GALNT5: variants seen among roughly 807,000 people sequenced by gnomAD.
GALNT5 encodes polypeptide N-acetylgalactosaminyltransferase 5, also known as UDP-GalNAc:polypeptide N-acetylgalactosaminyltransferase 5.
In GALNT5, 72 loss-of-function variants were observed where a neutral mutation model predicts 85.4. The observed-to-expected ratio is 0.84, with a 90% CI of 0.70 to 1.03. The LOEUF is 1.03. Ranked by LOEUF, GALNT5 falls within the 50% of genes least tolerant of loss-of-function variation. GALNT5 has a pLI of 0.00. For synonymous variants in GALNT5, 404 were observed against 397.0 expected, an observed-to-expected ratio of 1.02 and a Z score of -0.21; for missense variants, 1,137 against 1,135.5, an observed-to-expected ratio of 1.00 and a Z score of -0.02.
chr2:157,306,419 T>G (rs187300026), intron 8 of GALNT5, among the ~76,000 whole-genome samples: 8 of 152,050 alleles, frequency 5.3e-5, no homozygotes, highest in Admixed American at 2.6e-4. Flanking sequence ...ATAGGAAAAC[T>G]CCCCAAACTC....
intron 1 of GALNT5, among the ~76,000 whole-genome samples, chr2:157,279,679 C>T (rs1462518453): frequency 6.6e-6 from 1 of 152,222 alleles, no homozygotes; most frequent in African/African-American, 2.4e-5. Context: ...GGGAAAAGCA[C>T]AGTATTTGGG....
chr2:157,294,510 G>GA (rs1683166570), intron 3 of GALNT5, among the ~76,000 whole-genome samples: 1 of 152,166 alleles, frequency 6.6e-6, no homozygotes, highest in African/African-American at 2.4e-5. Flanking sequence ...GTTTTGGCCT[G>GA]AATGGAGGCA....
rs748934341 is a variant in GALNT5, at chr2:157,284,423, G to T, written c.1596G>T (p.Leu532=). ...CTCCACACCTCATCAAGGAGATTCT[G>T]CTGGTAGATGACTTCAGCACCAAAG... The part of the protein sequence containing the change: ...RSPPHLIKEI[L]LVDDFSTKDY... The change falls in exon 2 of 10, where the codon CTG becomes CTT. Residue 532 remains leucine (L), a synonymous_variant. Transcript: ENST00000259056. 6.8e-6 allele frequency: 11 copies of T among 1,613,874 alleles called. No individual in the cohort carries two copies. The highest frequency in any genetic ancestry group is 7.6e-6 in the Non-Finnish European group (9 of 1,179,934).
intron 7 of GALNT5, among the ~76,000 whole-genome samples, chr2:157,304,280 T>A (rs1683408469): frequency 6.6e-6 from 1 of 152,244 alleles, no homozygotes; most frequent in Non-Finnish European, 1.5e-5. Context: ...CCCATATTTG[T>A]CATTTTAAAT....
intron 2 of GALNT5, among the ~76,000 whole-genome samples, chr2:157,285,619 T>C (rs572810062): frequency 2.3e-3 from 344 of 152,254 alleles, no homozygotes; most frequent in African/African-American, 7.7e-3. Context: ...TTGCACACAT[T>C]GTTTAGCCTC....
rs1377659478 is a variant in GALNT5, at chr2:157,315,751, T to C, written c.*4403T>C. ...GAGGATTCTTTCTCTGTGAATAATA[T>C]TGAAAAAGCTCCATTTTCTGGGGAA... On this transcript the variant is annotated 3_prime_UTR_variant, in exon 10 of 10. Transcript: ENST00000259056. Among the ~76,000 whole-genome samples, 3 of 152,198 alleles carry C rather than the reference T, an allele frequency of 2.0e-5. No individual in the cohort carries two copies. Among genetic ancestry groups the C allele is most frequent in the South Asian group, 2.1e-4 (1 of 4,832 alleles).
intron 1 of GALNT5, among the ~76,000 whole-genome samples, chr2:157,276,627 A>G (rs1682732998): frequency 6.6e-6 from 1 of 152,170 alleles, no homozygotes; most frequent in African/African-American, 2.4e-5. Flanking sequence ...TGTTTATAGT[A>G]TTCTCTGATG....
intron 3 of GALNT5, among the ~76,000 whole-genome samples, chr2:157,293,848 T>C (rs1017545443): frequency 6.6e-6 from 1 of 152,246 alleles, no homozygotes; most frequent in African/African-American, 2.4e-5. Context: ...CCCAAAGCTC[T>C]GCCTCCTTCT....
At chr2:157,263,458 A>ACCT (rs1478765808) in intron 1 of GALNT5, among the ~76,000 whole-genome samples, 1 of 152,076 alleles carries the variant, frequency 6.6e-6, no homozygotes, top group African/African-American at 2.4e-5. Flanking sequence ...GGTAGCTGTG[A>ACCT]CCTCTAAATT....
rs1234342063 is a variant in GALNT5, at chr2:157,315,217, C to T, written c.*3869C>T. Among the ~76,000 whole-genome samples, 1 of 152,128 alleles carries T rather than the reference C, an allele frequency of 6.6e-6. No individual in the cohort carries two copies. Among genetic ancestry groups the T allele is most frequent in the Non-Finnish European group, 1.5e-5 (1 of 68,030 alleles). On this transcript the variant is annotated 3_prime_UTR_variant, in exon 10 of 10. Transcript: ENST00000259056. ...TGTGTAGGTACTATTTGTGTAGGTG[C>T]TATATGTGTCCCATCTCACTGATGG... is the stretch of plus-strand genomic sequence containing the variant.
In GALNT5 at chr2:157,317,503, A is replaced by G. The variant is rs1553465376; in HGVS notation, c.*6155A>G. ...TAGTTTTATACATATTAGCTTAAAA[A>G]CAAGAGAAGCCAAAGATTAAGTAAG... On this transcript the variant is annotated 3_prime_UTR_variant, in exon 10 of 10. Coordinates refer to ENST00000259056, the MANE Select transcript of GALNT5 (RefSeq NM_014568.3). 1.3e-5 allele frequency among the ~76,000 whole-genome samples: 2 copies of G among 152,128 alleles called. No homozygotes were observed. Among genetic ancestry groups the G allele is most frequent in the African/African-American group, 2.4e-5 (1 of 41,458 alleles).
intron 7 of GALNT5, among the ~76,000 whole-genome samples, chr2:157,303,250 A>T (rs1364860699): frequency 2.6e-5 from 4 of 152,144 alleles, no homozygotes; most frequent in African/African-American, 9.7e-5. Flanking sequence ...TTCAACCTCC[A>T]CAAGCAGAAA....
Position 157,300,789 on chromosome 2 carries a change from G to A in GALNT5, c.2229G>A (p.Arg743=), listed in dbSNP as rs1683324630. 1.2e-6 allele frequency: 2 copies of A among 1,614,028 alleles called. No individual in the cohort carries two copies. Among genetic ancestry groups the A allele is most frequent in the Admixed American group, 1.7e-5 (1 of 60,004 alleles). ...FPKDRMKTVE[R]NLVRVAEVWL... ...AAGACCGGATGAAGACAGTGGAGCG[G>A]AACTTGGTGCGGGTTGCCGAGGTCT... is the stretch of plus-strand genomic sequence containing the variant. Residue 743 remains arginine, a synonymous_variant, in exon 7 of 10, where the codon CGG becomes CGA. Transcript: ENST00000259056.
chr2:157,264,058 A>G (rs1682405799), intron 1 of GALNT5, among the ~76,000 whole-genome samples: 1 of 152,176 alleles, frequency 6.6e-6, no homozygotes, highest in South Asian at 2.1e-4. Flanking sequence ...TTGAAATAAA[A>G]TGCTTTTTTG....
intron 3 of GALNT5, among the ~76,000 whole-genome samples, chr2:157,287,600 G>A (rs1362160986): frequency 1.3e-5 from 2 of 152,140 alleles, no homozygotes; most frequent in Non-Finnish European, 2.9e-5. Context: ...ATTTCGTAAT[G>A]TTTTAATTCT....
intron 7 of GALNT5, among the ~76,000 whole-genome samples, chr2:157,303,828 C>T (rs1683398523): frequency 6.6e-6 from 1 of 152,182 alleles, no homozygotes; most frequent in Admixed American, 6.5e-5. Context: ...ACAAAATAGA[C>T]ACAAATAGTT....
At chr2:157,297,084 T>A (rs938299258) in intron 5 of GALNT5, among the ~76,000 whole-genome samples, 1 of 152,154 alleles carries the variant, frequency 6.6e-6, no homozygotes, top group African/African-American at 2.4e-5. Flanking sequence ...TCCTATTACT[T>A]CTTCAGAATA....
intron 1 of GALNT5, among the ~76,000 whole-genome samples, chr2:157,269,592 C>G (rs542597865): frequency 6.6e-6 from 1 of 152,140 alleles, no homozygotes; most frequent in African/African-American, 2.4e-5. Context: ...ATGTAGGGTA[C>G]TAATAGTGAA....
Position 157,317,198 on chromosome 2 carries a change from A to ATT in GALNT5, c.*5860_*5861dup, listed in dbSNP as rs1288089376. On this transcript the variant is annotated 3_prime_UTR_variant, in exon 10 of 10. Coordinates refer to ENST00000259056, the MANE Select transcript of GALNT5 (RefSeq NM_014568.3). Reference sequence around the variant, plus strand: ...TGTATATATATATATATATATATATATTTTTTTTTTTGATGCTTTGATCTG... The same window carrying ATT: ...TGTATATATATATATATATATATATATTTTTTTTTTTTTGATGCTTTGATCTG... 0.045 allele frequency among the ~76,000 whole-genome samples: 5,982 copies of ATT among 132,822 alleles called. 156 individuals carry two copies. The highest frequency in any genetic ancestry group is 0.051 in the Non-Finnish European group (3,184 of 63,036). The allele number at this position is 132,822 out of a possible 152,430, so 87.1% of individuals were successfully genotyped here. A position where few individuals can be genotyped will look rare whatever the true frequency, so the allele number is the denominator to read the frequency against.
Sources: gnomAD v4.1 joint callset for allele counts (sites outside exome capture counted in the v4.1 genomes callset) on GRCh38, gnomAD v4.1.1 for gene constraint, MANE v1.5 for transcripts, NCBI Gene and HGNC (gene_info 2026-07-23, HGNC 2026-07-21) for gene names.